The following SLC4A4 variants were observed in gnomAD, a reference collection of about 807,000 sequenced individuals.
SLC4A4 encodes the protein solute carrier family 4 member 4.
In SLC4A4, 27 loss-of-function variants were observed where a neutral mutation model predicts 111.5. That is an observed-to-expected ratio of 0.24 (90% CI 0.18 to 0.33). The LOEUF is 0.33. Ranked by LOEUF, SLC4A4 falls within the 10% of genes least tolerant of loss-of-function variation. SLC4A4 has a pLI of 1.00. For synonymous variants in SLC4A4, 443 were observed against 463.4 expected, an observed-to-expected ratio of 0.96 and a Z score of 0.57; for missense variants, 909 against 1,315.5, an observed-to-expected ratio of 0.69 and a Z score of 4.78.
Position 71,096,841 on chromosome 4 carries a change from C to A in SLC4A4, c.-2+4049C>A, listed in dbSNP as rs1286267843. On this transcript the variant is annotated intron_variant, in intron 2 of 26. Transcript: ENST00000649996. ...AAGGCATTGTCGTTGGATCTTTTGTCTACCTTGTTTTAATAAATTGCAATG... is the reference window on the plus strand; with the variant it reads ...AAGGCATTGTCGTTGGATCTTTTGTATACCTTGTTTTAATAAATTGCAATG... 3.9e-5 allele frequency among the ~76,000 whole-genome samples: 6 copies of A among 152,160 alleles called. No individual in the cohort carries two copies. In the South Asian group the frequency reaches 1.2e-3, roughly 31 times the overall value.
chr4:71,264,600 C>T (rs1269041310), intron 3 of SLC4A4, among the ~76,000 whole-genome samples: 1 of 152,038 alleles, frequency 6.6e-6, no homozygotes, highest in African/African-American at 2.4e-5. Flanking sequence ...ATGGAAATAG[C>T]AGTTTCTATA....
At chr4:71,535,358 T>C (rs1334070881) in intron 18 of SLC4A4, among the ~76,000 whole-genome samples, 1 of 152,148 alleles carries the variant, frequency 6.6e-6, no homozygotes, top group East Asian at 1.9e-4. Context: ...ATGAGGAAGA[T>C]TCTGATAAAC....
chr4:71,255,103 T>A, intron 2 of SLC4A4, 117 bp from the exon 3 acceptor site: 1 of 1,029,812 alleles, frequency 9.7e-7, no homozygotes, highest in Non-Finnish European at 1.5e-6. Flanking sequence ...GTTTGCCAAA[T>A]ATAGAATGGT....
chr4:71,407,562 A>G (rs2148994919), intron 7 of SLC4A4, among the ~76,000 whole-genome samples: 1 of 152,332 alleles, frequency 6.6e-6, no homozygotes, highest in South Asian at 2.1e-4. Context: ...TAGAGAACAA[A>G]AATAACAGAA....
At chr4:71,361,035 G>A (rs140390447) in intron 6 of SLC4A4, among the ~76,000 whole-genome samples, 3 of 152,204 alleles carry the variant, frequency 2.0e-5, no homozygotes, top group Non-Finnish European at 4.4e-5. Flanking sequence ...GGAGCGGCCC[G>A]GCTTCTCCAC....
At chr4:71,373,992 A>G (rs1732118750) in intron 6 of SLC4A4, among the ~76,000 whole-genome samples, 1 of 152,198 alleles carries the variant, frequency 6.6e-6, no homozygotes, top group Non-Finnish European at 1.5e-5. Flanking sequence ...TGCTCCCATC[A>G]TACGTGTTGT....
intron 1 of SLC4A4, among the ~76,000 whole-genome samples, chr4:71,216,072 CT>C (rs1718415169): frequency 6.6e-6 from 1 of 151,942 alleles, no homozygotes; most frequent in African/African-American, 2.4e-5. Context: ...CCAGGCCTGG[CT>C]AACTTTTGTA....
chr4:71,392,758 A>G (rs1468929906), intron 6 of SLC4A4, among the ~76,000 whole-genome samples: 1 of 152,038 alleles, frequency 6.6e-6, no homozygotes, highest in African/African-American at 2.4e-5. Flanking sequence ...AGATGCCAAA[A>G]TCCTTAACAA....
At chr4:71,171,083 A>T (rs1744919784) in intron 2 of SLC4A4, among the ~76,000 whole-genome samples, 1 of 152,192 alleles carries the variant, frequency 6.6e-6, no homozygotes, top group African/African-American at 2.4e-5. Flanking sequence ...ACTAACTCCA[A>T]GCTAAATAAC....
At chr4:71,223,026 A>C (rs1718839645) in intron 1 of SLC4A4, among the ~76,000 whole-genome samples, 1 of 152,112 alleles carries the variant, frequency 6.6e-6, no homozygotes, top group Admixed American at 6.5e-5. Context: ...GAATTTGCAA[A>C]ATGGGCCTGG....
chr4:71,339,642 A>G, intron 4 of SLC4A4, 137 bp downstream of exon 4: 4 of 764,168 alleles, frequency 5.2e-6, no homozygotes, highest in Non-Finnish European at 8.9e-6. Flanking sequence ...GATAAGGAGT[A>G]AATAATTCTA....
chr4:71,375,542 T>C (rs1732270073), intron 6 of SLC4A4, among the ~76,000 whole-genome samples: 1 of 152,202 alleles, frequency 6.6e-6, no homozygotes, highest in Admixed American at 6.5e-5. Flanking sequence ...CTTGAGGTGC[T>C]CTTTACTGAC....
intron 15 of SLC4A4, among the ~76,000 whole-genome samples, chr4:71,490,254 A>T (rs986293727): frequency 6.6e-6 from 1 of 151,788 alleles, no homozygotes; most frequent in South Asian, 2.1e-4. Flanking sequence ...GAGACACCAG[A>T]TTTCAAAATC....
At position 71,139,078 on chromosome 4, in the gene SLC4A4, T is replaced by C. The variant is rs186868026; in HGVS notation, c.-2+46286T>C. On this transcript the variant is annotated intron_variant, in intron 2 of 26. Coordinates refer to the SLC4A4 transcript ENST00000649996. Reference sequence around the variant, plus strand: ...AAAAAAAGAATCAGTGAGTCAATAATGCAATAATGGATCCTTCTTTCTCTA... The same window carrying C: ...AAAAAAAGAATCAGTGAGTCAATAACGCAATAATGGATCCTTCTTTCTCTA... Among the ~76,000 whole-genome samples the C allele has an allele frequency of 4.2e-3, 603 of 143,390 alleles. 1 individual carries two copies. The highest frequency in any genetic ancestry group is 7.2e-3 in the Non-Finnish European group (471 of 65,764). The allele number at this position is 143,390 out of a possible 152,430, so 94.1% of individuals were successfully genotyped here.
intron 3 of SLC4A4, among the ~76,000 whole-genome samples, chr4:71,278,981 A>T (rs1723289642): frequency 6.6e-6 from 1 of 152,182 alleles, no homozygotes; most frequent in Non-Finnish European, 1.5e-5. Context: ...AATTTATGGT[A>T]TACAGTGTGA....
chr4:71,153,539 C>G (rs754734207), intron 2 of SLC4A4, among the ~76,000 whole-genome samples: 4 of 152,130 alleles, frequency 2.6e-5, no homozygotes, highest in Non-Finnish European at 5.9e-5. Flanking sequence ...CATTGAGCTT[C>G]ACTTCCTTCA....
intron 3 of SLC4A4, among the ~76,000 whole-genome samples, chr4:71,306,721 T>TA (rs1184145942): frequency 6.6e-6 from 1 of 152,264 alleles, no homozygotes; most frequent in African/African-American, 2.4e-5. Flanking sequence ...TTCATTTTGA[T>TA]ACATTTTATG....
At chr4:71,368,575 G>A (rs1731556888) in intron 6 of SLC4A4, among the ~76,000 whole-genome samples, 2 of 152,188 alleles carry the variant, frequency 1.3e-5, no homozygotes, top group South Asian at 4.1e-4. Context: ...TATCTATTGA[G>A]TAGGTCATAA....
chr4:71,083,740 G>A (rs1363464779), intron 1 of SLC4A4, among the ~76,000 whole-genome samples: 3 of 151,508 alleles, frequency 2.0e-5, no homozygotes, highest in South Asian at 2.1e-4. Flanking sequence ...GCTTCACTCC[G>A]TTCTAGTTGC....
Sources: gnomAD v4.1 joint callset for allele counts (sites outside exome capture counted in the v4.1 genomes callset) on GRCh38, gnomAD v4.1.1 for gene constraint, MANE v1.5 for transcripts, NCBI Gene and HGNC (gene_info 2026-07-23, HGNC 2026-07-21) for gene names.